The following RPS6KA6 variants were observed in gnomAD, a reference collection of about 807,000 sequenced individuals.
RPS6KA6 encodes ribosomal protein S6 kinase A6.
A neutral mutation model predicts 65.4 loss-of-function variants in RPS6KA6; 27 were observed. The ratio of observed to expected loss-of-function variants is 0.41; its 90% confidence interval spans 0.30 to 0.57. The LOEUF (loss-of-function observed/expected upper bound fraction) is 0.57. RPS6KA6 is among the 20% of genes least tolerant of loss of function. RPS6KA6 has a pLI of 0.24. For missense variants in RPS6KA6, 486 were observed against 555.6 expected, an observed-to-expected ratio of 0.87 and a Z score of 1.26; for synonymous variants, 190 against 184.2, an observed-to-expected ratio of 1.03 and a Z score of -0.26.
At chrX:84,151,675 G>A (rs2035328497) in intron 3 of RPS6KA6, among the ~76,000 whole-genome samples, 1 of 111,523 alleles carries the variant, frequency 9.0e-6, no homozygotes. Context: ...TGGCTAAGGG[G>A]CTTCACATGT....
At chrX:84,081,653 AAAC>A (rs1415345727) in intron 20 of RPS6KA6, among the ~76,000 whole-genome samples, 1 of 108,519 alleles carries the variant, frequency 9.2e-6, no homozygotes, top group Non-Finnish European at 2.0e-5. Context: ...CCTTCCAGAG[AAAC>A]AACAACATAT....
chrX:84,104,565 C>T lies in RPS6KA6; in HGVS notation c.1548G>A (p.Ser516=), dbSNP rs2034320012. The stretch of plus-strand genomic sequence containing the variant: ...ATAGTATATCACTAGCCTCCCGTTC[C>T]GAGAAACATTTTTGTTTGAGAATAC... ...LDRILKQKCF[S]EREASDILYV... Residue 516 remains serine, a synonymous_variant, in exon 17 of 22, where the codon TCG becomes TCA. Coordinates refer to ENST00000262752, the MANE Select transcript of RPS6KA6 (RefSeq NM_014496.5). The T allele has an allele frequency of 8.4e-6, 10 of 1,185,416 alleles. No individual in the cohort carries two copies. The highest frequency in any genetic ancestry group is 4.6e-5 in the Admixed American group (2 of 43,954).
Position 84,090,243 on chromosome X carries a change from TAATA to T in RPS6KA6, c.1971+5947_1971+5950del, listed in dbSNP as rs759526054. Among the ~76,000 whole-genome samples the T allele has an allele frequency of 4.9e-3, 554 of 112,030 alleles. 4 individuals carry two copies. The highest frequency in any genetic ancestry group is 0.017 in the African/African-American group (527 of 30,887). ...CAACACCTGCTCTGATCACAAATAATAATAAATAATTATCTTTCAGAAAAAACAA... is the reference window on the plus strand; with the variant it reads ...CAACACCTGCTCTGATCACAAATAATAATAATTATCTTTCAGAAAAAACAA... On this transcript the variant is annotated intron_variant, in intron 20 of 21. Transcript: ENST00000262752.
rs780191342 is a variant in RPS6KA6 at position 84,143,962 on chromosome X, TAAC to T, written c.501+1513_501+1515del. On this transcript the variant is annotated intron_variant, in intron 6 of 21. Transcript: ENST00000262752. ...ACAGACTTTTCCAATAATGATGCTA[TAAC>T]AACTGGCTATCTATGTGAACAAATG... Among the ~76,000 whole-genome samples the T allele has an allele frequency of 9.5e-4, 106 of 111,274 alleles. No homozygotes were observed. The South Asian group carries it at 0.012, about 13-fold the overall frequency.
intron 20 of RPS6KA6, among the ~76,000 whole-genome samples, chrX:84,094,692 G>A (rs1450271465): frequency 9.1e-6 from 1 of 110,328 alleles, no homozygotes; most frequent in Non-Finnish European, 1.9e-5. Context: ...ATAAATAAAA[G>A]ACCTTGCAAG....
chrX:84,144,881 A>G (rs2035172637), intron 6 of RPS6KA6, among the ~76,000 whole-genome samples: 1 of 110,915 alleles, frequency 9.0e-6, no homozygotes, highest in Non-Finnish European at 1.9e-5. Flanking sequence ...AACATAGATG[A>G]ATCTCAAAGT....
At chrX:84,166,589 C>T (rs1210809181) in intron 1 of RPS6KA6, among the ~76,000 whole-genome samples, 1 of 111,247 alleles carries the variant, frequency 9.0e-6, no homozygotes, top group Non-Finnish European at 1.9e-5. Flanking sequence ...GCCTCAGAGA[C>T]ATATGAAACA....
rs1051688475 is a variant in RPS6KA6 at position 84,125,778 on chromosome X, C to T, written c.647-5751G>A. Among the ~76,000 whole-genome samples, 23 of 110,209 alleles carry T rather than the reference C, an allele frequency of 2.1e-4. No homozygotes were observed. The East Asian group carries it at 2.8e-3, about 14-fold the overall frequency. On this transcript the variant is annotated intron_variant, in intron 8 of 21. Coordinates refer to ENST00000262752, the MANE Select transcript of RPS6KA6 (RefSeq NM_014496.5). ...CTGAGGCAGGAGAATGGCGTGAACC[C>T]GGGAGGTGGAGCTTGCAGTGAGCCA... is the stretch of plus-strand genomic sequence containing the variant.
At position 84,104,592 on chromosome X, in the gene RPS6KA6, G is replaced by T. The variant is rs1372992676; in HGVS notation, c.1521C>A (p.Asp507Glu). 1 of 1,182,149 alleles carries T rather than the reference G, an allele frequency of 8.5e-7. No individual in the cohort carries two copies. Among genetic ancestry groups the T allele is most frequent in the Non-Finnish European group, 1.1e-6 (1 of 875,975 alleles). The change falls in exon 17 of 22, where the codon GAC becomes GAA. Residue 507 changes from aspartate to glutamate, a missense_variant. Around this residue, in one of 3 missense-constraint regions of RPS6KA6, gnomAD observed 345 missense variants for 375.0 expected, o/e 0.92. Coordinates refer to ENST00000262752, the MANE Select transcript of RPS6KA6 (RefSeq NM_014496.5). ...AGAAACATTTTTGTTTGAGAATACG[G>T]TCAAGTAACTCTCCTCCTTTCATTA... ...TDLMKGGELL[D>E]RILKQKCFSE...
intron 2 of RPS6KA6, among the ~76,000 whole-genome samples, chrX:84,160,860 A>T (rs959845626): frequency 9.0e-6 from 1 of 111,491 alleles, no homozygotes; most frequent in Non-Finnish European, 1.9e-5. Flanking sequence ...ATGAGGGTGA[A>T]CTAAGCACAT....
In RPS6KA6 at chrX:84,152,010, A is replaced by T. The variant is rs773758447; in HGVS notation, c.259-3887T>A. Among the ~76,000 whole-genome samples the T allele has an allele frequency of 5.4e-5, 6 of 111,452 alleles. No homozygotes were observed. The South Asian group carries it at 1.5e-3, about 28-fold the overall frequency. On this transcript the variant is annotated intron_variant, in intron 3 of 21. Transcript: ENST00000262752. ...CATAGCCCTTAGTGGGATTGTAAAG[A>T]ACGGAATATGAAGAGTGAGAAGAGG...
chrX:84,085,496 T>C (rs1278980100), intron 20 of RPS6KA6, among the ~76,000 whole-genome samples: 1 of 112,346 alleles, frequency 8.9e-6, no homozygotes, highest in African/African-American at 3.2e-5. Flanking sequence ...GATTTTCATA[T>C]GTTGAACCAA....
intron 20 of RPS6KA6, among the ~76,000 whole-genome samples, chrX:84,074,347 T>C (rs2033613263): frequency 9.0e-6 from 1 of 111,454 alleles, no homozygotes. Flanking sequence ...CAGTGGTTAC[T>C]AGGGAATGAG....
intron 17 of RPS6KA6, 108 bp downstream of exon 17, chrX:84,104,391 T>C (rs1277967350): frequency 5.0e-6 from 2 of 398,626 alleles, no homozygotes; most frequent in Admixed American, 5.5e-5. Context: ...ATATTCTCTA[T>C]AGAAATATAT....
At chrX:84,132,657 CTT>C (rs889508934) in intron 8 of RPS6KA6, among the ~76,000 whole-genome samples, 1 of 107,405 alleles carries the variant, frequency 9.3e-6, no homozygotes, top group Non-Finnish European at 1.9e-5. Context: ...AGGAAAAAAA[CTT>C]AAGTTTTATA....
chrX:84,137,109 TA>T (rs758698770), intron 6 of RPS6KA6, among the ~76,000 whole-genome samples: 1 of 111,929 alleles, frequency 8.9e-6, no homozygotes. Flanking sequence ...TACTCTTGAG[TA>T]AAGCACTTTT....
At chrX:84,157,409 T>C (rs1294610221) in intron 2 of RPS6KA6, among the ~76,000 whole-genome samples, 1 of 111,937 alleles carries the variant, frequency 8.9e-6, no homozygotes, top group Non-Finnish European at 1.9e-5. Context: ...AAAATAAAAA[T>C]TAAATTAAAA....
intron 2 of RPS6KA6, 87 bp downstream of exon 2, chrX:84,164,241 T>C (rs1224314857): frequency 1.5e-6 from 1 of 688,162 alleles, no homozygotes; most frequent in Non-Finnish European, 2.3e-6. Flanking sequence ...TGAATATATT[T>C]GTTTGATAGG....
chrX:84,153,520 T>A (rs944270355), intron 3 of RPS6KA6, among the ~76,000 whole-genome samples: 6 of 111,904 alleles, frequency 5.4e-5, no homozygotes, highest in African/African-American at 1.9e-4. Context: ...ACTACAATTT[T>A]AAGTTGACTT....
Sources: gnomAD v4.1 joint callset for allele counts (sites outside exome capture counted in the v4.1 genomes callset) on GRCh38, gnomAD v4.1.1 for gene constraint, gnomAD v4.1.1 regional missense constraint, MANE v1.5 for transcripts, NCBI Gene and HGNC (gene_info 2026-07-23, HGNC 2026-07-21) for gene names.